The following POTED variants were observed in gnomAD, a reference collection of about 807,000 sequenced individuals.
POTED encodes the protein POTE ankyrin domain family member D.
A neutral mutation model predicts 19.0 loss-of-function variants in POTED; 7 were observed. The observed-to-expected ratio is 0.37, with a 90% CI of 0.21 to 0.69. The LOEUF (loss-of-function observed/expected upper bound fraction) is 0.69. POTED is among the 30% of genes least tolerant of loss of function. The pLI is 0.56. For missense variants in POTED, 54 were observed against 278.5 expected, an observed-to-expected ratio of 0.19 and a Z score of 5.74; for synonymous variants, 16 against 92.0, an observed-to-expected ratio of 0.17 and a Z score of 4.73.
In POTED at chr21:13,637,288, G is replaced by A. The variant is rs2011241957; in HGVS notation, c.1410-2227G>A. Among the ~76,000 whole-genome samples the A allele has an allele frequency of 4.1e-5, 3 of 72,616 alleles. 1 individual carries two copies. The highest frequency in any genetic ancestry group is 7.0e-5 in the Non-Finnish European group (3 of 42,724). The allele number at this position is 72,616 out of a possible 152,430, so 47.6% of individuals were successfully genotyped here. ...TTTCACCACATCCACACCAACATCT[G>A]CTGTTTTTTTTATTTTAGTAGTGAC... is the stretch of plus-strand genomic sequence containing the variant. On this transcript the variant is annotated intron_variant, in intron 9 of 10. Coordinates refer to ENST00000299443, the MANE Select transcript of POTED (RefSeq NM_174981.6).
At position 13,644,438 on chromosome 21, in the gene POTED, C is replaced by T. The variant is rs2334594; in HGVS notation, c.*2872C>T. ...ATAAAGGAAAAATACCCTGTCCAAA[C>T]GTCAGCAACCTCAAAGATTGAAGAT... On this transcript the variant is annotated 3_prime_UTR_variant, in exon 11 of 11. Transcript: ENST00000299443. Among the ~76,000 whole-genome samples, 4 of 60,012 alleles carry T rather than the reference C, an allele frequency of 6.7e-5. 1 individual carries two copies. Among genetic ancestry groups the T allele is most frequent in the South Asian group, 5.0e-4 (1 of 2,012 alleles). 39.4% of individuals were successfully genotyped at this position (60,012 alleles called of 152,430 possible).
In POTED at chr21:13,634,586, T is replaced by C. The variant is rs569753804; in HGVS notation, c.1409+3479T>C. On this transcript the variant is annotated intron_variant, in intron 9 of 10. Coordinates refer to ENST00000299443, the MANE Select transcript of POTED (RefSeq NM_174981.6). ...GATTTGCAGTTCCCTGTGTCTGGAA[T>C]GCTTTTTCCCCAGATATCCTCCTAG... 9.1e-4 allele frequency among the ~76,000 whole-genome samples: 73 copies of C among 80,450 alleles called. 24 individuals carry two copies. The highest frequency in any genetic ancestry group is 1.3e-3 in the Non-Finnish European group (59 of 45,764). The allele number at this position is 80,450 out of a possible 152,430, so 52.8% of individuals were successfully genotyped here.
Position 13,622,616 on chromosome 21 carries a change from AT to A in POTED, c.1056-181del, listed in dbSNP as rs780277986. On this transcript the variant is annotated intron_variant, in intron 5 of 10. Coordinates refer to ENST00000299443, the MANE Select transcript of POTED (RefSeq NM_174981.6). ...CCTTGATTTATGAGCATTTCACCTA[AT>A]TTTTTTTCTTCTTTAATTAGAAGCT... Among the ~76,000 whole-genome samples, 4 of 73,086 alleles carry A rather than the reference AT, an allele frequency of 5.5e-5. 1 individual carries two copies. The highest frequency in any genetic ancestry group is 1.2e-4 in the African/African-American group (1 of 8,660). The allele number at this position is 73,086 out of a possible 152,430, so 47.9% of individuals were successfully genotyped here.
chr21:13,613,273 T>C (rs1348745272), intron 1 of POTED, among the ~76,000 whole-genome samples: 1 of 42,604 alleles, frequency 2.3e-5, no homozygotes, highest in Non-Finnish European at 3.7e-5. Context: ...TTAATTATTT[T>C]AGTTTAGTTA....
chr21:13,639,774 A>G lies in POTED; in HGVS notation c.1533+136A>G, dbSNP rs371411863. ...TGTGTGTATATATATGTGTGTGTGT[A>G]TATATATACACACACACACACACAC... On this transcript the variant is annotated intron_variant, in intron 10 of 10. Transcript: ENST00000299443. The G allele has an allele frequency of 2.6e-4, 114 of 436,596 alleles. 30 individuals carry two copies. The highest frequency in any genetic ancestry group is 3.3e-4 in the Non-Finnish European group (102 of 311,526). 27.0% of individuals were successfully genotyped at this position (436,596 alleles called of 1,614,324 possible).
At chr21:13,626,486 T>C (rs1276738737) in intron 6 of POTED, among the ~76,000 whole-genome samples, 1 of 85,704 alleles carries the variant, frequency 1.2e-5, no homozygotes, top group African/African-American at 6.6e-5. Flanking sequence ...AATGGCTCAC[T>C]AGGAATATTG....
chr21:13,634,299 G>A lies in POTED; in HGVS notation c.1409+3192G>A, dbSNP rs2334578. On this transcript the variant is annotated intron_variant, in intron 9 of 10. Transcript: ENST00000299443. ...CTGAGCCACCCTCATCTGCAGTCTAGATGAGTGCCATAGACTGGGAATTGA... is the reference window on the plus strand; with the variant it reads ...CTGAGCCACCCTCATCTGCAGTCTAAATGAGTGCCATAGACTGGGAATTGA... Among the ~76,000 whole-genome samples the A allele has an allele frequency of 2.4e-5, 2 of 82,160 alleles. 1 individual carries two copies. The highest frequency in any genetic ancestry group is 1.9e-4 in the African/African-American group (2 of 10,766). The allele number at this position is 82,160 out of a possible 152,430, so 53.9% of individuals were successfully genotyped here. A position where few individuals can be genotyped will look rare whatever the true frequency, so the allele number is the denominator to read the frequency against.
At position 13,645,522 on chromosome 21, in the gene POTED, G is replaced by A. The variant is rs1422098843; in HGVS notation, c.*3956G>A. Among the ~76,000 whole-genome samples, 1 of 131,004 alleles carries A rather than the reference G, an allele frequency of 7.6e-6. No individual in the cohort carries two copies. Among genetic ancestry groups the A allele is most frequent in the Admixed American group, 7.3e-5 (1 of 13,656 alleles). The allele number at this position is 131,004 out of a possible 152,430, so 85.9% of individuals were successfully genotyped here. ...GAGAAACAAGATCCTTTTCAGACAA[G>A]CAAATGCTGAGGGAATTCGTTATCA... On this transcript the variant is annotated 3_prime_UTR_variant, in exon 11 of 11. Transcript: ENST00000299443.
rs1397229239 is a variant in POTED, at chr21:13,609,900, C to T, written c.-329C>T. On this transcript the variant is annotated 5_prime_UTR_variant, in exon 1 of 11. Transcript: ENST00000299443. ...TTTCTTGCTTGGATTGGCGTTTTCT[C>T]CCTCGCATTCCTTTGCTGGGCCTGA... 35 of 198,184 alleles carry T rather than the reference C, an allele frequency of 1.8e-4. 10 individuals carry two copies. The Admixed American group carries it at 2.4e-3, about 14-fold the overall frequency. 12.3% of individuals were successfully genotyped at this position (198,184 alleles called of 1,614,324 possible).
In POTED at chr21:13,611,505, CA is replaced by C. The variant is rs1568896055; in HGVS notation, c.521+759del. ...ACAGAATAGGAAATCCAGAAATACC[CA>C]AATATATGTAAGAATTTAGCACTTG... On this transcript the variant is annotated intron_variant, in intron 1 of 10. Transcript: ENST00000299443. Among the ~76,000 whole-genome samples, 5 of 59,144 alleles carry C rather than the reference CA, an allele frequency of 8.5e-5. 2 individuals are homozygous for C. Among genetic ancestry groups the C allele is most frequent in the Non-Finnish European group, 1.4e-4 (5 of 35,628 alleles). 38.8% of individuals were successfully genotyped at this position (59,144 alleles called of 152,430 possible). A position where few individuals can be genotyped will look rare whatever the true frequency, so the allele number is the denominator to read the frequency against.
chr21:13,626,267 G>T (rs2011185522), intron 6 of POTED, among the ~76,000 whole-genome samples: 1 of 75,876 alleles, frequency 1.3e-5, no homozygotes, highest in Non-Finnish European at 2.3e-5. Context: ...TATTGTCACA[G>T]CTCTGAATTC....
rs1568896633 is a variant in POTED at position 13,616,171 on chromosome 21, TTGTTAC to T, written c.810+606_810+611del. 2.1e-5 allele frequency among the ~76,000 whole-genome samples: 2 copies of T among 97,422 alleles called. 1 individual carries two copies. Among genetic ancestry groups the T allele is most frequent in the African/African-American group, 1.0e-4 (2 of 19,574 alleles). The allele number at this position is 97,422 out of a possible 152,430, so 63.9% of individuals were successfully genotyped here. Reference sequence around the variant, plus strand: ...GTGTGTGTGTGTGTGTGTGTGTGTGTTGTTACTGTTGTTCATTCATTTGTTTCCTTT... The same window carrying T: ...GTGTGTGTGTGTGTGTGTGTGTGTGTTGTTGTTCATTCATTTGTTTCCTTT... On this transcript the variant is annotated intron_variant, in intron 3 of 10. Coordinates refer to ENST00000299443, the MANE Select transcript of POTED (RefSeq NM_174981.6).
rs2011302546 is a variant in POTED, at chr21:13,645,110, T to C, written c.*3544T>C. Among the ~76,000 whole-genome samples the C allele has an allele frequency of 7.8e-6, 1 of 127,602 alleles. No individual in the cohort carries two copies. Among genetic ancestry groups the C allele is most frequent in the South Asian group, 2.3e-4 (1 of 4,352 alleles). 83.7% of individuals were successfully genotyped at this position (127,602 alleles called of 152,430 possible). A position where few individuals can be genotyped will look rare whatever the true frequency, so the allele number is the denominator to read the frequency against. ...ATATGGGATTATATAAACGACCAAA[T>C]CTATGACTGATTAATGTACCTGAAA... On this transcript the variant is annotated 3_prime_UTR_variant, in exon 11 of 11. Coordinates refer to ENST00000299443, the MANE Select transcript of POTED (RefSeq NM_174981.6).
chr21:13,615,823 CT>C (rs558490753), intron 3 of POTED, among the ~76,000 whole-genome samples: 3 of 1,184 alleles, frequency 2.5e-3, no homozygotes, highest in South Asian at 0.019. Context: ...AAAGGTAATA[CT>C]TTTTTTTTTT....
intron 5 of POTED, chr21:13,621,556 CAT>C (rs1221618645): frequency 8.2e-5 from 1 of 12,168 alleles, no homozygotes; most frequent in Non-Finnish European, 1.2e-4. Context: ...CGTCACAAAT[CAT>C]GTGTAAAAGT....
chr21:13,639,762 A>ATG lies in POTED; in HGVS notation c.1533+134_1533+135dup. On this transcript the variant is annotated intron_variant, in intron 10 of 10. Transcript: ENST00000299443. ...CACACGTGTGTGTGTGTGTATATATATGTGTGTGTGTATATATATACACAC... is the reference window on the plus strand; with the variant it reads ...CACACGTGTGTGTGTGTGTATATATATGTGTGTGTGTGTATATATATACACAC... 4 of 539,136 alleles carry ATG rather than the reference A, an allele frequency of 7.4e-6. 1 individual carries two copies. Among genetic ancestry groups the ATG allele is most frequent in the Non-Finnish European group, 7.5e-6 (3 of 399,642 alleles). The allele number at this position is 539,136 out of a possible 1,614,324, so 33.4% of individuals were successfully genotyped here.
chr21:13,627,477 A>G lies in POTED; in HGVS notation c.1127-905A>G, dbSNP rs1274914855. Among the ~76,000 whole-genome samples the G allele has an allele frequency of 2.0e-5, 2 of 99,542 alleles. 1 individual carries two copies. The highest frequency in any genetic ancestry group is 3.8e-5 in the Non-Finnish European group (2 of 52,252). 65.3% of individuals were successfully genotyped at this position (99,542 alleles called of 152,430 possible). On this transcript the variant is annotated intron_variant, in intron 6 of 10. Transcript: ENST00000299443. ...ACAAAAAAAAAAAAGAAAAATGAATATAAATTTGTCATAATAGTGGATGGA... is the reference window on the plus strand; with the variant it reads ...ACAAAAAAAAAAAAGAAAAATGAATGTAAATTTGTCATAATAGTGGATGGA...
In POTED at chr21:13,645,288, ATC is replaced by A. The variant is rs2123227432; in HGVS notation, c.*3723_*3724del. Among the ~76,000 whole-genome samples, 2 of 135,594 alleles carry A rather than the reference ATC, an allele frequency of 1.5e-5. 1 individual carries two copies. Among genetic ancestry groups the A allele is most frequent in the Admixed American group, 1.4e-4 (2 of 13,940 alleles). The allele number at this position is 135,594 out of a possible 152,430, so 89.0% of individuals were successfully genotyped here. A position where few individuals can be genotyped will look rare whatever the true frequency, so the allele number is the denominator to read the frequency against. ...GAGAAGATCATCCCCAAGACACATA[ATC>A]GTCAGATTTTCTGAGGTCAAAATAA... On this transcript the variant is annotated 3_prime_UTR_variant, in exon 11 of 11. Coordinates refer to ENST00000299443, the MANE Select transcript of POTED (RefSeq NM_174981.6).
rs1568900239 is a variant in POTED at position 13,645,028 on chromosome 21, A to G, written c.*3462A>G. ...GAAAACTGGCTTTCTGAAATAAAAC[A>G]GGCAAACAAGAATGGGGGAAAAAAG... is the stretch of plus-strand genomic sequence containing the variant. On this transcript the variant is annotated 3_prime_UTR_variant, in exon 11 of 11. Coordinates refer to ENST00000299443, the MANE Select transcript of POTED (RefSeq NM_174981.6). Among the ~76,000 whole-genome samples, 2 of 84,204 alleles carry G rather than the reference A, an allele frequency of 2.4e-5. No individual in the cohort carries two copies. Among genetic ancestry groups the G allele is most frequent in the Non-Finnish European group, 4.3e-5 (2 of 46,594 alleles). The allele number at this position is 84,204 out of a possible 152,430, so 55.2% of individuals were successfully genotyped here.
Sources: allele counts gnomAD v4.1 joint callset (sites outside exome capture counted in the v4.1 genomes callset), GRCh38; gene constraint gnomAD v4.1.1; transcripts MANE v1.5; gene names NCBI Gene and HGNC (gene_info 2026-07-23, HGNC 2026-07-21).